SPAG16: variants seen among roughly 807,000 people sequenced by gnomAD.
SPAG16 encodes sperm-associated antigen 16 protein.
Under a neutral mutation model 80.4 loss-of-function variants are expected in SPAG16, and 86 were observed. That is an observed-to-expected ratio of 1.07 (90% CI 0.90 to 1.28). SPAG16 has a LOEUF of 1.28. Among genes scored for constraint, SPAG16 ranks in the 50% most tolerant of loss-of-function variants. SPAG16 has a pLI of 0.00. For synonymous variants in SPAG16, 294 were observed against 265.9 expected, an observed-to-expected ratio of 1.11 and a Z score of -1.03; for missense variants, 870 against 765.3, an observed-to-expected ratio of 1.14 and a Z score of -1.61.
At chr2:213,320,658 G>A (rs796972254) in intron 5 of SPAG16, among the ~76,000 whole-genome samples, 3 of 151,970 alleles carry the variant, frequency 2.0e-5, no homozygotes, top group African/African-American at 7.2e-5. Context: ...GTAAGGACAC[G>A]CAATATTTGT....
intron 15 of SPAG16, among the ~76,000 whole-genome samples, chr2:214,305,845 G>A (rs1291701197): frequency 6.6e-6 from 1 of 151,478 alleles, no homozygotes; most frequent in African/African-American, 2.4e-5. Flanking sequence ...GGATTTCCTT[G>A]TCAATTTGGG....
chr2:213,573,459 G>A (rs1353931336), intron 10 of SPAG16, among the ~76,000 whole-genome samples: 2 of 152,078 alleles, frequency 1.3e-5, no homozygotes, highest in Non-Finnish European at 2.9e-5. Flanking sequence ...GTACATGATG[G>A]GTACATGTGA....
chr2:214,286,359 C>A (rs577243818), intron 15 of SPAG16, among the ~76,000 whole-genome samples: 5 of 152,112 alleles, frequency 3.3e-5, no homozygotes, highest in Admixed American at 2.6e-4. Context: ...TCAGGGATCC[C>A]AAAAAGTTTA....
chr2:213,667,557 G>A (rs1300906472), intron 10 of SPAG16, among the ~76,000 whole-genome samples: 1 of 152,196 alleles, frequency 6.6e-6, no homozygotes, highest in East Asian at 1.9e-4. Context: ...CTTAGATGCT[G>A]TAAAGAAGAA....
At chr2:214,331,880 T>C (rs902729761) in intron 15 of SPAG16, among the ~76,000 whole-genome samples, 8 of 152,158 alleles carry the variant, frequency 5.3e-5, no homozygotes, top group Admixed American at 5.2e-4. Context: ...GTGCAGAAAA[T>C]GCAGACCCAT....
intron 10 of SPAG16, among the ~76,000 whole-genome samples, chr2:213,754,468 C>G (rs1002392880): frequency 1.3e-5 from 2 of 152,096 alleles, no homozygotes; most frequent in African/African-American, 4.8e-5. Context: ...TTAGCTTCAT[C>G]TTAGTCTAAT....
intron 15 of SPAG16, among the ~76,000 whole-genome samples, chr2:214,316,565 A>G (rs768919666): frequency 5.3e-5 from 8 of 152,198 alleles, no homozygotes; most frequent in Admixed American, 1.3e-4. Flanking sequence ...GGTAACTGTG[A>G]AGAAATCTCC....
intron 13 of SPAG16, among the ~76,000 whole-genome samples, chr2:214,088,428 A>G (rs1022565891): frequency 1.3e-5 from 2 of 152,120 alleles, no homozygotes; most frequent in Non-Finnish European, 2.9e-5. Context: ...TCACAGAACT[A>G]TGTTTATTCT....
chr2:213,675,211 C>T (rs889485894), intron 10 of SPAG16, among the ~76,000 whole-genome samples: 10 of 152,236 alleles, frequency 6.6e-5, no homozygotes, highest in Non-Finnish European at 1.3e-4. Flanking sequence ...TCATGTCCTT[C>T]GCCCACTTTT....
chr2:213,998,821 A>G (rs1256665430), intron 12 of SPAG16, among the ~76,000 whole-genome samples: 3 of 152,024 alleles, frequency 2.0e-5, no homozygotes, highest in Non-Finnish European at 4.4e-5. Context: ...GAGAAAGGTG[A>G]CTCTTGTTAT....
At chr2:214,321,496 G>A (rs1310923772) in intron 15 of SPAG16, among the ~76,000 whole-genome samples, 58 of 152,324 alleles carry the variant, frequency 3.8e-4, no homozygotes, top group Non-Finnish European at 1.2e-4. Context: ...AACCTACACA[G>A]TTGAAGGCAG....
At chr2:214,274,201 G>T (rs1339675999) in intron 15 of SPAG16, among the ~76,000 whole-genome samples, 2 of 152,158 alleles carry the variant, frequency 1.3e-5, no homozygotes, top group African/African-American at 4.8e-5. Flanking sequence ...TTTGCGCTGA[G>T]ACAGTGAGCT....
At chr2:213,290,011 C>T (rs1013563158) in intron 1 of SPAG16, among the ~76,000 whole-genome samples, 5 of 152,192 alleles carry the variant, frequency 3.3e-5, no homozygotes, top group Admixed American at 6.5e-5. Flanking sequence ...TCAAGCTCTG[C>T]GCCATTAGGC....
chr2:214,007,934 A>G (rs958772198), intron 12 of SPAG16, among the ~76,000 whole-genome samples: 1 of 152,122 alleles, frequency 6.6e-6, no homozygotes. Context: ...TTTAGCCATC[A>G]TTTCTGCAAA....
At chr2:213,533,848 ATTAAC>A (rs1195919599) in intron 10 of SPAG16, among the ~76,000 whole-genome samples, 1 of 152,176 alleles carries the variant, frequency 6.6e-6, no homozygotes, top group Admixed American at 6.5e-5. Flanking sequence ...CATGCATGAT[ATTAAC>A]TTAATGCTAG....
At chr2:214,165,457 T>G (rs2056607946) in intron 15 of SPAG16, among the ~76,000 whole-genome samples, 1 of 142,874 alleles carries the variant, frequency 7.0e-6, no homozygotes, top group Non-Finnish European at 1.5e-5. Context: ...AAAAATGCTT[T>G]GCATCACCAT....
chr2:214,144,062 G>A (rs1481044566), intron 14 of SPAG16, among the ~76,000 whole-genome samples: 4 of 152,048 alleles, frequency 2.6e-5, no homozygotes, highest in African/African-American at 9.7e-5. Flanking sequence ...GGAGGCTGAC[G>A]TGGAAGGATC....
intron 3 of SPAG16, among the ~76,000 whole-genome samples, chr2:213,304,927 T>A (rs976392970): frequency 6.6e-6 from 1 of 152,162 alleles, no homozygotes; most frequent in Non-Finnish European, 1.5e-5. Context: ...GCATTTTATT[T>A]TGTTGGGGAT....
chr2:214,391,558 A>G (rs1701080046), intron 15 of SPAG16, among the ~76,000 whole-genome samples: 1 of 152,226 alleles, frequency 6.6e-6, no homozygotes, highest in South Asian at 2.1e-4. Flanking sequence ...AAAGAAGGAA[A>G]TGGGTAGAAA....
Sources: allele counts gnomAD v4.1 joint callset (sites outside exome capture counted in the v4.1 genomes callset), GRCh38; gene constraint gnomAD v4.1.1; transcripts MANE v1.5; gene names NCBI Gene and HGNC (gene_info 2026-07-23, HGNC 2026-07-21).